The following SOHLH2 variants were observed in gnomAD, a reference collection of about 807,000 sequenced individuals.
SOHLH2 encodes the protein spermatogenesis and oogenesis specific basic helix-loop-helix 2.
In SOHLH2, 22 loss-of-function variants were observed where a neutral mutation model predicts 50.4. That is an observed-to-expected ratio of 0.44 (90% confidence interval 0.31 to 0.62). SOHLH2 has a LOEUF of 0.62. Ranked by LOEUF, SOHLH2 falls within the 20% of genes least tolerant of loss-of-function variation. The probability of loss-of-function intolerance (pLI) is 0.08; values close to 1 mark genes in which losing one functional copy is unlikely to be tolerated. For missense variants in SOHLH2, 412 were observed against 504.4 expected, an observed-to-expected ratio of 0.82 and a Z score of 1.76; for synonymous variants, 185 against 187.3, an observed-to-expected ratio of 0.99 and a Z score of 0.10.
At chr13:36,179,492 T>C (rs1465865040) in intron 6 of SOHLH2, among the ~76,000 whole-genome samples, 2 of 152,226 alleles carry the variant, frequency 1.3e-5, no homozygotes, top group East Asian at 3.8e-4. Context: ...CACTGCAACC[T>C]CTGCCTACTG....
At position 36,188,253 on chromosome 13, in the gene SOHLH2, A is replaced by T. The variant is rs548481987; in HGVS notation, c.641+1693T>A. ...AGCCCTGCTCGAACTGCTAACCCAT[A>T]AAAACATAGTTACAATAAAATGGTG... On this transcript the variant is annotated intron_variant, in intron 6 of 10. Transcript: ENST00000379881. 4.6e-5 allele frequency among the ~76,000 whole-genome samples: 7 copies of T among 152,338 alleles called. No homozygotes were observed. The East Asian group carries it at 1.4e-3, about 29-fold the overall frequency.
intron 6 of SOHLH2, among the ~76,000 whole-genome samples, chr13:36,179,418 T>C (rs1887186437): frequency 6.6e-6 from 1 of 152,206 alleles, no homozygotes; most frequent in African/African-American, 2.4e-5. Flanking sequence ...ATTGGTTTGC[T>C]TTGTTTTTGA....
At chr13:36,179,378 C>G (rs1887184944) in intron 6 of SOHLH2, among the ~76,000 whole-genome samples, 2 of 151,892 alleles carry the variant, frequency 1.3e-5, no homozygotes, top group African/African-American at 4.8e-5. Flanking sequence ...CATGGTTTTT[C>G]TCCTTTATTC....
intron 1 of SOHLH2, among the ~76,000 whole-genome samples, chr13:36,204,705 G>T (rs1868651727): frequency 6.6e-6 from 1 of 152,050 alleles, no homozygotes; most frequent in East Asian, 1.9e-4. Context: ...AGTGTGTTTT[G>T]ATATTTGACA....
intron 1 of SOHLH2, among the ~76,000 whole-genome samples, chr13:36,212,904 T>A (rs1869207840): frequency 6.6e-6 from 1 of 152,226 alleles, no homozygotes; most frequent in Admixed American, 6.5e-5. Flanking sequence ...ACACTGGATT[T>A]CCATTTGCAA....
At chr13:36,207,212 T>C (rs954779806) in intron 1 of SOHLH2, among the ~76,000 whole-genome samples, 6 of 152,122 alleles carry the variant, frequency 3.9e-5, no homozygotes, top group Non-Finnish European at 7.4e-5. Context: ...TGTAATGTAA[T>C]GAATTAGCTA....
intron 1 of SOHLH2, among the ~76,000 whole-genome samples, chr13:36,213,487 C>T (rs1869239979): frequency 1.3e-5 from 2 of 152,290 alleles, no homozygotes; most frequent in South Asian, 4.1e-4. Flanking sequence ...TTGCTCTCTC[C>T]TATTTATCAA....
chr13:36,171,318 T>C (rs1886956896), intron 9 of SOHLH2, among the ~76,000 whole-genome samples: 1 of 152,124 alleles, frequency 6.6e-6, no homozygotes, highest in South Asian at 2.1e-4. Context: ...GAAATGTTTG[T>C]GGAAAAATAA....
rs893422440 is a variant in SOHLH2, at chr13:36,174,533, C to A, written c.824G>T (p.Cys275Phe). The change falls in exon 8 of 11, where the codon TGT becomes TTT. Residue 275 changes from cysteine to phenylalanine, a missense_variant. Transcript: ENST00000379881. ...CTCAATGGGTGTTTGTTGTTTCTTA[C>A]AAAACCTCATGTTGCTCTGAAGTGC... ...TEALQSNMRF[C>F]KKQQTPIELS... The A allele has an allele frequency of 6.2e-7, 1 of 1,614,018 alleles. No individual in the cohort carries two copies. Among genetic ancestry groups the A allele is most frequent in the African/African-American group, 1.3e-5 (1 of 74,908 alleles).
At chr13:36,178,643 GA>G (rs1424572436) in intron 6 of SOHLH2, among the ~76,000 whole-genome samples, 2 of 151,960 alleles carry the variant, frequency 1.3e-5, no homozygotes, top group Admixed American at 6.6e-5. Flanking sequence ...AATTTTTATG[GA>G]AAAAAACTTG....
chr13:36,191,906 G>A lies in SOHLH2; in HGVS notation c.431-12C>T. On this transcript the variant is annotated splice_polypyrimidine_tract_variant and intron_variant, in intron 4 of 10. Transcript: ENST00000379881. The stretch of plus-strand genomic sequence containing the variant: ...GTTTTCAGTCTTAACTGAAAGTTTT[G>A]AGAGGGGAACTATTTATTTCTGAAG... 6.2e-7 allele frequency: 1 copy of A among 1,613,804 alleles called. No homozygotes were observed.
At chr13:36,170,078 G>A (rs117284155) in intron 10 of SOHLH2, among the ~76,000 whole-genome samples, 276 of 152,290 alleles carry the variant, frequency 1.8e-3, no homozygotes, top group Non-Finnish European at 3.4e-3. Flanking sequence ...AAGACACCTG[G>A]TATCTGAAAT....
chr13:36,191,451 T>A (rs1593948577), intron 5 of SOHLH2, among the ~76,000 whole-genome samples: 3 of 152,150 alleles, frequency 2.0e-5, no homozygotes, highest in Admixed American at 2.0e-4. Context: ...AATATTGGGG[T>A]TCCATGTAAA....
At chr13:36,170,935 A>C (rs1193301558) in intron 9 of SOHLH2, 148 bp from the exon 10 acceptor site, 1 of 1,297,142 alleles carries the variant, frequency 7.7e-7, no homozygotes, top group Non-Finnish European at 1.0e-6. Flanking sequence ...ATGGAAAAAC[A>C]AAGTGAACTT....
chr13:36,187,777 C>T (rs915569159), intron 6 of SOHLH2, among the ~76,000 whole-genome samples: 1 of 152,306 alleles, frequency 6.6e-6, no homozygotes, highest in South Asian at 2.1e-4. Context: ...TCTGGATTCC[C>T]TTGCCTTCTG....
In SOHLH2 at chr13:36,168,680, C is replaced by A. The variant is rs61030080; in HGVS notation, c.*354G>T. 1.7e-3 allele frequency: 492 copies of A among 285,736 alleles called. 3 individuals are homozygous for A. Among genetic ancestry groups the A allele is most frequent in the African/African-American group, 0.01 (470 of 46,308 alleles). 17.7% of individuals were successfully genotyped at this position (285,736 alleles called of 1,614,324 possible). A position where few individuals can be genotyped will look rare whatever the true frequency, so the allele number is the denominator to read the frequency against. On this transcript the variant is annotated 3_prime_UTR_variant, in exon 11 of 11. Transcript: ENST00000379881. ...TATCAACACACCTTCCCAATCTAAT[C>A]ATTTTATCGTGTCTACATGGATCTT...
At chr13:36,192,018 A>G (rs1593949010) in intron 4 of SOHLH2, 124 bp from the exon 5 acceptor site, 2 of 1,113,826 alleles carry the variant, frequency 1.8e-6, no homozygotes, top group East Asian at 2.6e-5. Context: ...ACAAAGCAGT[A>G]TTTTTAAAAC....
chr13:36,209,752 G>T (rs541970480), intron 1 of SOHLH2, among the ~76,000 whole-genome samples: 1 of 152,210 alleles, frequency 6.6e-6, no homozygotes, highest in Non-Finnish European at 1.5e-5. Context: ...GTGTGCATTC[G>T]TCTAGTTCTG....
chr13:36,204,104 C>G (rs1868603908), intron 1 of SOHLH2, among the ~76,000 whole-genome samples: 1 of 151,746 alleles, frequency 6.6e-6, no homozygotes, highest in Non-Finnish European at 1.5e-5. Context: ...GTGCCCACCA[C>G]CATGCCTGGC....
Sources: gnomAD v4.1 joint callset for allele counts (sites outside exome capture counted in the v4.1 genomes callset) on GRCh38, gnomAD v4.1.1 for gene constraint, MANE v1.5 for transcripts, NCBI Gene and HGNC (gene_info 2026-07-23, HGNC 2026-07-21) for gene names.